Variants in RBFOX1 observed in about 807,000 individuals in gnomAD.
RBFOX1 encodes the protein RNA binding fox-1 homolog 1.
A neutral mutation model predicts 57.7 loss-of-function variants in RBFOX1; 8 were observed. That is an observed-to-expected ratio of 0.14 (90% CI 0.08 to 0.25). The LOEUF (loss-of-function observed/expected upper bound fraction) is 0.25, where lower values mean the gene tolerates loss of function less well. Ranked by LOEUF, RBFOX1 falls within the 10% of genes least tolerant of loss-of-function variation. The pLI is 1.00. For synonymous variants in RBFOX1, 326 were observed against 222.4 expected (o/e 1.47, Z -4.15); for missense variants, 611 against 548.5 (o/e 1.11, Z -1.14).
At chr16:7,582,026 AC>A (rs5815414) in intron 6 of RBFOX1, among the ~76,000 whole-genome samples, 136,414 of 146,816 alleles carry the variant, frequency 0.93, 63,318 homozygotes, top group South Asian at 0.97. Flanking sequence ...CCCATCCAGC[AC>A]CCCCCCCCCC....
Position 5,552,973 on chromosome 16 carries a change from T to G in RBFOX1, c.259-45929T>G, listed in dbSNP as rs1253340377. ...CAGCCATAAAAAGGATCAGTCCATGTCCTTTACAGGGACATGGATGAAGCT... is the reference window on the plus strand; with the variant it reads ...CAGCCATAAAAAGGATCAGTCCATGGCCTTTACAGGGACATGGATGAAGCT... On this transcript the variant is annotated intron_variant, in intron 2 of 2. Coordinates refer to the RBFOX1 transcript ENST00000585867. 2.0e-5 allele frequency among the ~76,000 whole-genome samples: 3 copies of G among 152,128 alleles called. No homozygotes were observed. In the East Asian group the frequency reaches 5.8e-4, roughly 29 times the overall value.
At chr16:5,989,880 A>ACACACCCC (rs33912010) in intron 4 of RBFOX1, among the ~76,000 whole-genome samples, 1 of 127,210 alleles carries the variant, frequency 7.9e-6, no homozygotes, top group Admixed American at 8.1e-5. Context: ...ACACACACAC[A>ACACACCCC]CCACCCCTGT....
intron 1 of RBFOX1, among the ~76,000 whole-genome samples, chr16:6,165,893 A>T (rs866629862): frequency 1.3e-5 from 2 of 152,174 alleles, no homozygotes; most frequent in African/African-American, 2.4e-5. Context: ...CCAATGCATG[A>T]AAAAGAGGGA....
At chr16:7,527,558 A>G (rs956680007) in intron 5 of RBFOX1, among the ~76,000 whole-genome samples, 2 of 152,130 alleles carry the variant, frequency 1.3e-5, no homozygotes, top group African/African-American at 2.4e-5. Context: ...ATCTTTAGAT[A>G]TTATCGGGAG....
intron 2 of RBFOX1, among the ~76,000 whole-genome samples, chr16:6,521,028 A>C (rs1467534660): frequency 2.0e-5 from 3 of 152,154 alleles, no homozygotes; most frequent in Admixed American, 6.5e-5. Flanking sequence ...TTATATCAAA[A>C]CCTTTTTACA....
intron 3 of RBFOX1, among the ~76,000 whole-genome samples, chr16:5,709,242 G>C (rs371454720): frequency 1.3e-5 from 2 of 152,250 alleles, no homozygotes; most frequent in East Asian, 1.9e-4. Context: ...CCATGGTAGA[G>C]AACACAGGAT....
intron 3 of RBFOX1, among the ~76,000 whole-genome samples, chr16:6,975,171 G>A (rs574093681): frequency 6.6e-6 from 1 of 152,260 alleles, no homozygotes; most frequent in East Asian, 1.9e-4. Context: ...GGGTTCCTGT[G>A]ATGGTACTGA....
intron 1 of RBFOX1, among the ~76,000 whole-genome samples, chr16:5,268,809 G>A (rs529390405): frequency 6.6e-6 from 1 of 152,348 alleles, no homozygotes; most frequent in East Asian, 1.9e-4. Context: ...AATTGTTTGG[G>A]AAGTTGTTAA....
At chr16:6,970,648 G>C (rs1444285497) in intron 3 of RBFOX1, among the ~76,000 whole-genome samples, 3 of 152,146 alleles carry the variant, frequency 2.0e-5, no homozygotes, top group African/African-American at 7.2e-5. Flanking sequence ...TCCCATTTGT[G>C]AGGGCTATGA....
chr16:7,266,940 AATAGGG>A (rs1367974570), intron 4 of RBFOX1, among the ~76,000 whole-genome samples: 2 of 152,054 alleles, frequency 1.3e-5, no homozygotes, highest in Non-Finnish European at 2.9e-5. Context: ...AAGACTGAGC[AATAGGG>A]AGAGAGAAGA....
In RBFOX1 at chr16:7,653,895, TACA is replaced by T; in HGVS notation, c.842_844del (p.Asn281del). ...CCTGCGAGGCCGCGGTCGCACCGTG[TACA>T]ACACCTTCAGGGCCGCGGCGCCCCC... On this transcript the variant is annotated inframe_deletion, in exon 12 of 16. Coordinates refer to ENST00000550418, the MANE Select transcript of RBFOX1 (RefSeq NM_018723.4). 2 of 1,598,464 alleles carry T rather than the reference TACA, an allele frequency of 1.3e-6. No homozygotes were observed. The highest frequency in any genetic ancestry group is 1.7e-6 in the Non-Finnish European group (2 of 1,177,636).
intron 4 of RBFOX1, among the ~76,000 whole-genome samples, chr16:7,261,165 C>T (rs1212262349): frequency 2.0e-5 from 3 of 152,204 alleles, no homozygotes; most frequent in East Asian, 1.9e-4. Context: ...GCTCCAGCCG[C>T]AGTTCTTGCT....
chr16:6,686,937 T>C (rs1345920708), intron 3 of RBFOX1, among the ~76,000 whole-genome samples: 2 of 152,228 alleles, frequency 1.3e-5, no homozygotes, highest in African/African-American at 2.4e-5. Flanking sequence ...TGTGTGTATA[T>C]AGATTCTGCT....
rs549557969 is a variant in RBFOX1 at position 5,874,170 on chromosome 16, C to T, written c.351+6835C>T. On this transcript the variant is annotated intron_variant, in intron 4 of 19. Transcript: ENST00000641259. ...CCATCATTAGTGTCCTTAACAGCAGCCTTTCCAATGTGGATGTCTTAGGAG... is the reference window on the plus strand; with the variant it reads ...CCATCATTAGTGTCCTTAACAGCAGTCTTTCCAATGTGGATGTCTTAGGAG... 1.0e-3 allele frequency among the ~76,000 whole-genome samples: 153 copies of T among 152,298 alleles called. 1 individual carries two copies. The highest frequency in any genetic ancestry group is 3.4e-3 in the African/African-American group (140 of 41,568).
chr16:7,288,215 A>C (rs146645343), intron 4 of RBFOX1, among the ~76,000 whole-genome samples: 2 of 152,202 alleles, frequency 1.3e-5, no homozygotes, highest in African/African-American at 4.8e-5. Context: ...CTGTAATTCA[A>C]TTTAATTTCT....
intron 5 of RBFOX1, among the ~76,000 whole-genome samples, chr16:7,568,170 A>G (rs1052609112): frequency 1.3e-5 from 2 of 152,180 alleles, no homozygotes; most frequent in Admixed American, 6.5e-5. Context: ...TAAGTTTATT[A>G]GAGAAGTAAA....
chr16:5,252,496 G>A (rs2062477766), intron 1 of RBFOX1, among the ~76,000 whole-genome samples: 1 of 152,172 alleles, frequency 6.6e-6, no homozygotes, highest in Admixed American at 6.5e-5. Context: ...CCATGTGAAG[G>A]ACTCTCTCCA....
At chr16:5,582,791 A>T (rs941758593) in intron 2 of RBFOX1, among the ~76,000 whole-genome samples, 3 of 151,974 alleles carry the variant, frequency 2.0e-5, no homozygotes, top group Admixed American at 6.6e-5. Context: ...TTCATTGAGG[A>T]GGTGGTTATC....
At chr16:6,266,164 T>A (rs1303666094) in intron 1 of RBFOX1, among the ~76,000 whole-genome samples, 1 of 152,036 alleles carries the variant, frequency 6.6e-6, no homozygotes, top group African/African-American at 2.4e-5. Flanking sequence ...TGTGGAGAGA[T>A]CAGTGAGTCA....
Sources: gnomAD v4.1 joint callset for allele counts (sites outside exome capture counted in the v4.1 genomes callset) on GRCh38, gnomAD v4.1.1 for gene constraint, MANE v1.5 for transcripts, NCBI Gene and HGNC (gene_info 2026-07-23, HGNC 2026-07-21) for gene names.